The following PGS1 variants were observed in gnomAD, a reference collection of about 807,000 sequenced individuals.
The protein encoded by PGS1 is CDP-diacylglycerol--glycerol-3-phosphate 3-phosphatidyltransferase, mitochondrial.
PGS1 carries 44 observed loss-of-function variants against 58.3 expected under a neutral mutation model. The ratio of observed to expected loss-of-function variants is 0.75; its 90% CI spans 0.59 to 0.97. The LOEUF is 0.97. Ranked by LOEUF, PGS1 falls within the 50% of genes least tolerant of loss-of-function variation. The pLI, the probability that PGS1 is intolerant of heterozygous loss-of-function variation, is 0.00. For synonymous variants in PGS1, 330 were observed against 311.0 expected (o/e 1.06, Z -0.64); for missense variants, 684 against 731.1 (o/e 0.94, Z 0.74).
At chr17:78,419,188 T>C (rs1043073584) in intron 8 of PGS1, among the ~76,000 whole-genome samples, 2 of 152,154 alleles carry the variant, frequency 1.3e-5, no homozygotes, top group Admixed American at 1.3e-4. Context: ...TTAGAATTTT[T>C]TCATAGAGAT....
chr17:78,422,446 C>T (rs780258054), intron 9 of PGS1, among the ~76,000 whole-genome samples: 12 of 126,286 alleles, frequency 9.5e-5, no homozygotes, highest in Admixed American at 9.2e-4. Context: ...AATGTTTTTG[C>T]AAAACTTGAT....
chr17:78,399,386 C>G lies in PGS1; in HGVS notation c.550C>G (p.Arg184Gly). 1 of 1,614,122 alleles carries G rather than the reference C, an allele frequency of 6.2e-7. No individual in the cohort carries two copies. ...NSRTMLLPLLRRFPEQVRVSL... is the reference protein window; with the variant it reads ...NSRTMLLPLLGRFPEQVRVSL... ...CCGCACAATGCTGCTCCCACTCCTG[C>G]GGAGGTTCCCAGAGCAGGTCCGAGT... is the stretch of plus-strand genomic sequence containing the variant. The change falls in exon 5 of 10, where the codon CGG becomes GGG. Residue 184 changes from arginine to glycine, a missense_variant. Arg to Gly is a moderately radical substitution (Grantham distance 125). Coordinates refer to ENST00000262764, the MANE Select transcript of PGS1 (RefSeq NM_024419.5).
chr17:78,406,069 C>T (rs2084115046), intron 7 of PGS1, among the ~76,000 whole-genome samples: 1 of 152,206 alleles, frequency 6.6e-6, no homozygotes, highest in Non-Finnish European at 1.5e-5. Context: ...GTAATCCCAG[C>T]ACTTTAGGAG....
At position 78,378,737 on chromosome 17, in the gene PGS1, C is replaced by G. The variant is rs558000074; in HGVS notation, c.72C>G (p.Arg24=). Residue 24 remains arginine (R), a synonymous_variant, in exon 1 of 10, where the codon CGC becomes CGG. Transcript: ENST00000262764. ...WRRLLGLLPG[R]PGLAALLGRL... is the part of the protein sequence containing the mutation. The stretch of plus-strand genomic sequence containing the variant: ...GACTGCTGGGCCTCCTGCCTGGCCG[C>G]CCAGGGCTGGCCGCGCTCCTGGGAC... The G allele has an allele frequency of 3.1e-5, 47 of 1,510,574 alleles. No homozygotes were observed. The highest frequency in any genetic ancestry group is 4.0e-5 in the Non-Finnish European group (45 of 1,135,974). The allele number at this position is 1,510,574 out of a possible 1,614,324, so 93.6% of individuals were successfully genotyped here. A position where few individuals can be genotyped will look rare whatever the true frequency, so the allele number is the denominator to read the frequency against.
intron 9 of PGS1, among the ~76,000 whole-genome samples, chr17:78,422,121 TTG>T (rs2146365725): frequency 6.6e-6 from 1 of 152,322 alleles, no homozygotes; most frequent in African/African-American, 2.4e-5. Flanking sequence ...ACGTCACATT[TTG>T]TGGTTATTAC....
chr17:78,393,084 G>C (rs1353956413), intron 2 of PGS1, among the ~76,000 whole-genome samples: 1 of 142,014 alleles, frequency 7.0e-6, no homozygotes, highest in Non-Finnish European at 1.5e-5. Context: ...TTTTTGAGAT[G>C]GAGTCTCGCT....
chr17:78,389,663 G>T (rs569338359), intron 1 of PGS1, among the ~76,000 whole-genome samples: 1 of 152,038 alleles, frequency 6.6e-6, no homozygotes, highest in South Asian at 2.1e-4. Context: ...ACTCAGGCTG[G>T]CATGCAGTGG....
intron 9 of PGS1, among the ~76,000 whole-genome samples, chr17:78,422,858 G>A (rs2086006159): frequency 6.6e-6 from 1 of 152,160 alleles, no homozygotes; most frequent in African/African-American, 2.4e-5. Flanking sequence ...CGCTTTGGGA[G>A]GCCGAGGTTG....
intron 9 of PGS1, chr17:78,420,228 A>G: frequency 1.0e-6 from 1 of 991,452 alleles, no homozygotes; most frequent in Non-Finnish European, 1.2e-6. Context: ...GCGCCCTTCT[A>G]GACTCTGGAA....
intron 9 of PGS1, chr17:78,419,980 G>A: frequency 1.7e-6 from 2 of 1,174,358 alleles, no homozygotes; most frequent in Non-Finnish European, 2.1e-6. Flanking sequence ...TCCTGAAGAA[G>A]CCCTGGGGCA....
intron 1 of PGS1, among the ~76,000 whole-genome samples, chr17:78,389,814 C>A (rs1411637846): frequency 6.6e-6 from 1 of 150,902 alleles, no homozygotes; most frequent in Non-Finnish European, 1.5e-5. Flanking sequence ...CGGGGTTTCA[C>A]CATATTGGCC....
Position 78,419,664 on chromosome 17 carries a change from G to C in PGS1, c.1670G>C (p.Ter557SerextTer50). Residue 557 changes from the stop codon to serine, a stop_lost, in exon 9 of 10, where the codon TGA becomes TCA. Coordinates refer to ENST00000262764, the MANE Select transcript of PGS1 (RefSeq NM_024419.5). ...MVTPLIKNFF[*>S] ...ACTCCACTGATCAAGAACTTCTTCTGAGGACAGACAGGTGCTGTCTCTAGC... is the reference window on the plus strand; with the variant it reads ...ACTCCACTGATCAAGAACTTCTTCTCAGGACAGACAGGTGCTGTCTCTAGC... The C allele has an allele frequency of 6.2e-7, 1 of 1,613,880 alleles. No individual in the cohort carries two copies. The highest frequency in any genetic ancestry group is 8.5e-7 in the Non-Finnish European group (1 of 1,179,892).
rs1483232211 is a variant in PGS1, at chr17:78,392,629, G to A, written c.297G>A (p.Val99=). 2 of 1,613,936 alleles carry A rather than the reference G, an allele frequency of 1.2e-6. No individual in the cohort carries two copies. The highest frequency in any genetic ancestry group is 1.7e-6 in the Non-Finnish European group (2 of 1,179,992). Residue 99 remains valine (V), a synonymous_variant, in exon 2 of 10, where the codon GTG becomes GTA. Coordinates refer to ENST00000262764, the MANE Select transcript of PGS1 (RefSeq NM_024419.5). ...GAGTCTCCAGTTCTCACGTTAGGGT[G>A]CTTTCTTCCCCGGCAGAGTTTTTCG... ...EFGVSSSHVR[V]LSSPAEFFEL... is the part of the protein sequence containing the mutation.
Position 78,403,605 on chromosome 17 carries a change from G to T in PGS1, c.918G>T (p.Arg306Ser), listed in dbSNP as rs766167804. 1 of 1,613,768 alleles carries T rather than the reference G, an allele frequency of 6.2e-7. No individual in the cohort carries two copies. Among genetic ancestry groups the T allele is most frequent in the Non-Finnish European group, 8.5e-7 (1 of 1,179,750 alleles). Residue 306 changes from arginine to serine, a missense_variant, in exon 7 of 10, where the codon AGG becomes AGT. By Grantham distance (110) the Arg-to-Ser change is moderately radical. Transcript: ENST00000262764. ...RAEYCKAANK[R>S]VMDVINSART... Reference sequence around the variant, plus strand: ...AGTACTGCAAGGCAGCCAATAAGAGGGTCATGGATGTGATCAACTCAGCCA... The same window carrying T: ...AGTACTGCAAGGCAGCCAATAAGAGTGTCATGGATGTGATCAACTCAGCCA...
chr17:78,389,053 CTTTTT>C (rs5822252), intron 1 of PGS1, among the ~76,000 whole-genome samples: 5 of 96,008 alleles, frequency 5.2e-5, no homozygotes, highest in Admixed American at 1.4e-4. Context: ...CCTCTTCTTC[CTTTTT>C]TTTTTTTTTT....
intron 1 of PGS1, among the ~76,000 whole-genome samples, chr17:78,380,017 C>T (rs1481344418): frequency 6.6e-6 from 1 of 151,828 alleles, no homozygotes; most frequent in Non-Finnish European, 1.5e-5. Flanking sequence ...CAGACATAAG[C>T]CACCACACCC....
intron 1 of PGS1, among the ~76,000 whole-genome samples, chr17:78,392,165 G>A (rs180874483): frequency 6.6e-6 from 1 of 152,292 alleles, no homozygotes; most frequent in East Asian, 1.9e-4. Flanking sequence ...TTTACTTGTG[G>A]ATGCTCTAAA....
intron 9 of PGS1, chr17:78,420,122 C>A (rs1401016139): frequency 1.9e-6 from 2 of 1,035,476 alleles, no homozygotes; most frequent in African/African-American, 1.7e-5. Context: ...GCTGCCCTGG[C>A]CGGCTGTAGT....
At chr17:78,399,196 G>A (rs1156592475) in intron 4 of PGS1, 152 bp from the exon 5 acceptor site, 7 of 630,274 alleles carry the variant, frequency 1.1e-5, no homozygotes, top group Non-Finnish European at 2.0e-5. Flanking sequence ...AGGTTGGCCT[G>A]GAAGTCCTCT....
Sources: allele counts gnomAD v4.1 joint callset (sites outside exome capture counted in the v4.1 genomes callset), GRCh38; gene constraint gnomAD v4.1.1; transcripts MANE v1.5; gene names NCBI Gene and HGNC (gene_info 2026-07-23, HGNC 2026-07-21).